The following LYRM4 variants were observed in gnomAD, a reference collection of about 807,000 sequenced individuals.
LYRM4 encodes LYR motif-containing protein 4.
Under a neutral mutation model 11.7 loss-of-function variants are expected in LYRM4, and 9 were observed. The observed-to-expected ratio is 0.77, with a 90% confidence interval of 0.46 to 1.34. The LOEUF is 1.34. Ranked by LOEUF, LYRM4 falls within the 40% of genes most tolerant of loss-of-function variation. The pLI is 0.00. For missense variants in LYRM4, 133 were observed against 112.5 expected (o/e 1.18, Z -0.82); for synonymous variants, 42 against 40.4 (o/e 1.04, Z -0.15).
the LYRM4 span, among the ~76,000 whole-genome samples, chr6:5,058,012 A>G: frequency 7.2e-5 from 11 of 152,084 alleles, no homozygotes; most frequent in Admixed American, 5.9e-4. Context: ...TCGGCCTCCC[A>G]AAGTGCTGGA....
chr6:5,140,530 G>A (rs1408402962), intron 2 of LYRM4, among the ~76,000 whole-genome samples: 1 of 152,136 alleles, frequency 6.6e-6, no homozygotes, highest in African/African-American at 2.4e-5. Flanking sequence ...ACTATGATGT[G>A]CTCTCTGTAC....
chr6:5,142,454 C>T (rs142881912), intron 2 of LYRM4, among the ~76,000 whole-genome samples: 9 of 152,300 alleles, frequency 5.9e-5, no homozygotes, highest in African/African-American at 2.2e-4. Flanking sequence ...CAACACAAGC[C>T]CCCCTCGCCA....
the LYRM4 span, among the ~76,000 whole-genome samples, chr6:5,048,177 C>T: frequency 1.3e-5 from 2 of 152,160 alleles, no homozygotes; most frequent in Admixed American, 1.3e-4. Context: ...ATTTTAGTGA[C>T]AAATCTTGAT....
the LYRM4 span, among the ~76,000 whole-genome samples, chr6:5,060,443 A>G: frequency 3.3e-5 from 5 of 151,496 alleles, no homozygotes; most frequent in East Asian, 9.7e-4. Flanking sequence ...GGTCTTGCCC[A>G]GTGAAGGTTT....
At chr6:5,238,049 A>T (rs1763653327) in intron 1 of LYRM4, among the ~76,000 whole-genome samples, 1 of 151,846 alleles carries the variant, frequency 6.6e-6, no homozygotes, top group Non-Finnish European at 1.5e-5. Flanking sequence ...CTGGCTGCTT[A>T]CTGTCCTGCC....
chr6:5,178,720 G>T (rs1326503318), intron 2 of LYRM4, among the ~76,000 whole-genome samples: 1 of 135,810 alleles, frequency 7.4e-6, no homozygotes, highest in Non-Finnish European at 1.5e-5. Context: ...CAGAAGAATC[G>T]CTTGAACCCG....
rs1415671177 is a variant in LYRM4 at position 5,138,729 on chromosome 6, G to A, written c.208-29238C>T. ...AAACCTGGTGGCAGACAATGACTAT[G>A]GACTTTATGCCTGGGGGTAAAAAGA... is the stretch of plus-strand genomic sequence containing the variant. On this transcript the variant is annotated intron_variant, in intron 2 of 2. Transcript: ENST00000330636. 3.9e-6 allele frequency: 6 copies of A among 1,532,674 alleles called. No homozygotes were observed. In the East Asian group the frequency reaches 1.2e-4, roughly 31 times the overall value. The allele number at this position is 1,532,674 out of a possible 1,614,324, so 94.9% of individuals were successfully genotyped here.
At chr6:5,259,401 G>A (rs1764844057) in intron 1 of LYRM4, among the ~76,000 whole-genome samples, 1 of 152,190 alleles carries the variant, frequency 6.6e-6, no homozygotes, top group African/African-American at 2.4e-5. Context: ...AAGTCATTAA[G>A]TAAAATCATT....
chr6:5,134,886 G>T (rs683261), intron 2 of LYRM4, among the ~76,000 whole-genome samples: 1 of 117,950 alleles, frequency 8.5e-6, no homozygotes, highest in African/African-American at 3.0e-5. Flanking sequence ...CCTTGGTAAC[G>T]GCACTCCTAG....
chr6:5,058,352 C>T, the LYRM4 span, among the ~76,000 whole-genome samples: 1 of 152,204 alleles, frequency 6.6e-6, no homozygotes, highest in African/African-American at 2.4e-5. Context: ...TTCTCAACGG[C>T]CTGTCCCAAG....
the LYRM4 span, chr6:5,043,305 G>T: frequency 2.0e-5 from 3 of 151,888 alleles, no homozygotes; most frequent in African/African-American, 7.3e-5. Context: ...CAAGATATTG[G>T]TAGAGACCCT....
At chr6:5,209,749 G>T (rs1275245303) in intron 2 of LYRM4, among the ~76,000 whole-genome samples, 1 of 152,192 alleles carries the variant, frequency 6.6e-6, no homozygotes, top group Non-Finnish European at 1.5e-5. Context: ...AATTGTAAAC[G>T]ACACAGTGTG....
the LYRM4 span, among the ~76,000 whole-genome samples, chr6:5,046,487 C>T: frequency 6.6e-6 from 1 of 152,156 alleles, no homozygotes; most frequent in Non-Finnish European, 1.5e-5. Context: ...GATTTGCACT[C>T]GGAGTCTCTC....
chr6:5,191,963 G>A (rs73363050), intron 2 of LYRM4, among the ~76,000 whole-genome samples: 10,906 of 152,146 alleles, frequency 0.072, 441 homozygotes, highest in Middle Eastern at 0.13. Context: ...GATTAAGACT[G>A]GAGAACATTC....
intron 2 of LYRM4, among the ~76,000 whole-genome samples, chr6:5,138,304 C>G (rs978691416): frequency 1.3e-5 from 2 of 151,752 alleles, no homozygotes; most frequent in Non-Finnish European, 2.9e-5. Context: ...GGCAACATGA[C>G]AAAACCCTGT....
chr6:5,192,287 T>C (rs2127693046), intron 2 of LYRM4, among the ~76,000 whole-genome samples: 1 of 152,144 alleles, frequency 6.6e-6, no homozygotes, highest in South Asian at 2.1e-4. Context: ...AGGGACCCTG[T>C]GTGGGTAGAG....
rs574323102 is a variant in LYRM4, at chr6:5,133,633, C to A, written c.208-24142G>T. On this transcript the variant is annotated intron_variant, in intron 2 of 2. Transcript: ENST00000330636. ...TGGTAAAGTTCACATAACATAAAATCATTTAAACCACTTCAAAGTGCGTAA... is the reference window on the plus strand; with the variant it reads ...TGGTAAAGTTCACATAACATAAAATAATTTAAACCACTTCAAAGTGCGTAA... Among the ~76,000 whole-genome samples the A allele has an allele frequency of 8.5e-5, 13 of 152,304 alleles. No homozygotes were observed. The South Asian group carries it at 2.3e-3, about 27-fold the overall frequency.
At chr6:5,193,880 G>C (rs1760901496) in intron 2 of LYRM4, among the ~76,000 whole-genome samples, 2 of 152,066 alleles carry the variant, frequency 1.3e-5, no homozygotes, top group African/African-American at 2.4e-5. Flanking sequence ...ATAGTACCTA[G>C]GTACTTAAAA....
At chr6:5,063,602 G>C in the LYRM4 span, among the ~76,000 whole-genome samples, 1 of 152,210 alleles carries the variant, frequency 6.6e-6, no homozygotes, top group African/African-American at 2.4e-5. Flanking sequence ...GTTCACCTAT[G>C]TCTCCCCAGC....
Sources: gnomAD v4.1 joint callset for allele counts (sites outside exome capture counted in the v4.1 genomes callset) on GRCh38, gnomAD v4.1.1 for gene constraint, MANE v1.5 for transcripts, NCBI Gene and HGNC (gene_info 2026-07-23, HGNC 2026-07-21) for gene names.